PPP1R13L: variants seen among roughly 807,000 people sequenced by gnomAD.
PPP1R13L encodes the protein relA-associated inhibitor.
In PPP1R13L, 50 loss-of-function variants were observed where a neutral mutation model predicts 80.9. The observed-to-expected ratio is 0.62, with a 90% CI of 0.49 to 0.78. PPP1R13L has a LOEUF of 0.78. PPP1R13L is among the 30% of genes least tolerant of loss of function. The probability of loss-of-function intolerance (pLI) is 0.00; values close to 1 mark genes in which losing one functional copy is unlikely to be tolerated. For synonymous variants in PPP1R13L, 602 were observed against 534.3 expected (o/e 1.13, Z -1.75); for missense variants, 1,200 against 1,205.9 (o/e 1.00, Z 0.07).
intron 8 of PPP1R13L, among the ~76,000 whole-genome samples, chr19:45,388,927 G>C (rs1327979441): frequency 6.6e-6 from 1 of 151,740 alleles, no homozygotes; most frequent in Non-Finnish European, 1.5e-5. Flanking sequence ...TAGCAGAGAC[G>C]GGGTTTCACC....
At chr19:45,384,366 C>CAAAAAAAAAA (rs770216477) in intron 11 of PPP1R13L, among the ~76,000 whole-genome samples, 5 of 91,300 alleles carry the variant, frequency 5.5e-5, no homozygotes, top group Admixed American at 1.3e-4. Flanking sequence ...ACTAAAAATA[C>CAAAAAAAAAA]AAAAAAAAAA....
chr19:45,380,449 C>A (rs529152553), intron 12 of PPP1R13L, among the ~76,000 whole-genome samples: 2 of 152,148 alleles, frequency 1.3e-5, no homozygotes, highest in Admixed American at 6.6e-5. Flanking sequence ...TGTCTCCTAA[C>A]TGCCATAAGG....
Position 45,392,103 on chromosome 19 carries a change from G to A in PPP1R13L, c.1592C>T (p.Pro531Leu), listed in dbSNP as rs925517547. The A allele has an allele frequency of 2.6e-6, 4 of 1,548,526 alleles. No individual in the cohort carries two copies. In the African/African-American group the frequency reaches 4.1e-5, roughly 16 times the overall value. Residue 531 changes from proline (P) to leucine (L), a missense_variant, in exon 8 of 13, where the codon CCT (proline) becomes CTT (leucine). This residue lies in a region of PPP1R13L where 53 missense variants were observed against 96.5 expected (regional missense o/e 0.55). Coordinates refer to ENST00000360957, the MANE Select transcript of PPP1R13L (RefSeq NM_006663.4). ...LKRRGSMEQA[P>L]AVALPPTHKK... ...GTGGGTAGGGGGCAGGGCCACAGCA[G>A]GGGCCTGCTCCATGGAGCCCCTGCG...
chr19:45,390,224 G>A (rs1972944541), intron 8 of PPP1R13L, among the ~76,000 whole-genome samples: 1 of 152,066 alleles, frequency 6.6e-6, no homozygotes, highest in African/African-American at 2.4e-5. Context: ...CTGAGTAGCT[G>A]GGATTGGAAT....
intron 7 of PPP1R13L, chr19:45,393,024 A>AG (rs1229620451): frequency 6.7e-6 from 1 of 149,322 alleles, no homozygotes; most frequent in Admixed American, 6.7e-5. Context: ...AAAAAAAAAA[A>AG]AAAAAAAAAA....
At chr19:45,397,133 G>T in intron 3 of PPP1R13L, 75 bp from the exon 4 acceptor site, 1 of 1,160,636 alleles carries the variant, frequency 8.6e-7, no homozygotes. Flanking sequence ...GGGCGGGGGT[G>T]TCAAGAGAGA....
chr19:45,380,638 C>T (rs1399914550), intron 12 of PPP1R13L, among the ~76,000 whole-genome samples: 8 of 152,022 alleles, frequency 5.3e-5, no homozygotes, highest in African/African-American at 1.2e-4. Flanking sequence ...GTCAACATGA[C>T]GAGACCCTGT....
rs1381707089 is a variant in PPP1R13L at position 45,392,032 on chromosome 19, C to A, written c.1663G>T (p.Gly555Trp). 3 of 1,543,732 alleles carry A rather than the reference C, an allele frequency of 1.9e-6. No homozygotes were observed. The highest frequency in any genetic ancestry group is 2.6e-6 in the Non-Finnish European group (3 of 1,148,184). ...QIISRLFHRH[G>W]GPGPGGPEPE... ...TCCGGCCCCCCGGGCCCTGGCCCCCCATGACGATGGAAGAGGCGGCTGATG... is the reference window on the plus strand; with the variant it reads ...TCCGGCCCCCCGGGCCCTGGCCCCCAATGACGATGGAAGAGGCGGCTGATG... Residue 555 changes from glycine (G) to tryptophan (W), a missense_variant, in exon 8 of 13, where the codon GGG becomes TGG. Transcript: ENST00000360957.
At position 45,392,012 on chromosome 19, in the gene PPP1R13L, C is replaced by A. The variant is rs1191819072; in HGVS notation, c.1683G>T (p.Gly561=). The stretch of plus-strand genomic sequence containing the variant: ...TGATGGGGGACAGCTCTGGCTCCGG[C>A]CCCCCGGGCCCTGGCCCCCCATGAC... ...FHRHGGPGPG[G]PEPELSPITE... Residue 561 remains glycine (G), a synonymous_variant, in exon 8 of 13, where the codon GGG becomes GGT. Coordinates refer to ENST00000360957, the MANE Select transcript of PPP1R13L (RefSeq NM_006663.4). The A allele has an allele frequency of 3.9e-6, 6 of 1,536,764 alleles. No homozygotes were observed. Among genetic ancestry groups the A allele is most frequent in the Non-Finnish European group, 5.2e-6 (6 of 1,145,160 alleles).
chr19:45,394,331 T>C (rs1435150740), intron 7 of PPP1R13L, among the ~76,000 whole-genome samples: 1 of 152,070 alleles, frequency 6.6e-6, no homozygotes, highest in African/African-American at 2.4e-5. Flanking sequence ...TAAAGTCTAT[T>C]TTAGTTTCAC....
intron 1 of PPP1R13L, 88 bp from the exon 2 acceptor site, chr19:45,398,427 A>C (rs1278169934): frequency 1.6e-6 from 2 of 1,287,678 alleles, no homozygotes; most frequent in South Asian, 1.3e-5. Flanking sequence ...GGAGCGGGAC[A>C]ACGCCTCAAC....
intron 8 of PPP1R13L, among the ~76,000 whole-genome samples, chr19:45,386,879 A>C (rs1234918945): frequency 6.6e-6 from 1 of 151,210 alleles, no homozygotes; most frequent in African/African-American, 2.4e-5. Flanking sequence ...CAGGTGATCC[A>C]CCCACCTCAG....
intron 9 of PPP1R13L, 35 bp from the exon 10 acceptor site, chr19:45,385,992 C>A: frequency 6.3e-7 from 1 of 1,579,710 alleles, no homozygotes; most frequent in Admixed American, 1.8e-5. Flanking sequence ...GACTCAGTCC[C>A]GCGGCTGGCA....
At position 45,395,678 on chromosome 19, in the gene PPP1R13L, G is replaced by A; in HGVS notation, c.1112C>T (p.Pro371Leu). The change falls in exon 7 of 13, where the codon CCC becomes CTC. Residue 371 changes from proline (P) to leucine (L), a missense_variant. Transcript: ENST00000360957. ...PRGAPRQRPIPLSMIFKLQNA... is the reference protein window; with the variant it reads ...PRGAPRQRPILLSMIFKLQNA... ...CTGCAGCTTGAAGATCATGCTGAGG[G>A]GGATGGGACGCTGGCGCGGGGCCCC... is the stretch of plus-strand genomic sequence containing the variant. 2 of 1,459,262 alleles carry A rather than the reference G, an allele frequency of 1.4e-6. No homozygotes were observed. The highest frequency in any genetic ancestry group is 1.8e-6 in the Non-Finnish European group (2 of 1,115,222). 90.4% of individuals were successfully genotyped at this position (1,459,262 alleles called of 1,614,324 possible). A position where few individuals can be genotyped will look rare whatever the true frequency, so the allele number is the denominator to read the frequency against.
At chr19:45,380,853 A>C (rs1020306446) in intron 12 of PPP1R13L, among the ~76,000 whole-genome samples, 1 of 147,352 alleles carries the variant, frequency 6.8e-6, no homozygotes, top group African/African-American at 2.5e-5. Flanking sequence ...CACACACAGA[A>C]AAAAAAAACC....
chr19:45,391,743 G>A, intron 8 of PPP1R13L, 137 bp downstream of exon 8: 1 of 600,136 alleles, frequency 1.7e-6, no homozygotes, highest in Non-Finnish European at 2.5e-6. Context: ...ACAGTCCTGG[G>A]CTGCAAACTC....
rs763190928 is a variant in PPP1R13L, at chr19:45,385,821, C to T, written c.2081+3G>A. 21 of 1,610,640 alleles carry T rather than the reference C, an allele frequency of 1.3e-5. No individual in the cohort carries two copies. Among genetic ancestry groups the T allele is most frequent in the African/African-American group, 2.7e-5 (2 of 74,880 alleles). Reference sequence around the variant, plus strand: ...CCAGCCCACCGCGCGGGTCGGGGCTCACCAGCCGTGGCTGTCGGGGGAGTT... The same window carrying T: ...CCAGCCCACCGCGCGGGTCGGGGCTTACCAGCCGTGGCTGTCGGGGGAGTT... On this transcript the variant is annotated splice_donor_region_variant and intron_variant, in intron 10 of 12. Coordinates refer to ENST00000360957, the MANE Select transcript of PPP1R13L (RefSeq NM_006663.4).
intron 8 of PPP1R13L, among the ~76,000 whole-genome samples, chr19:45,386,689 G>A (rs537154200): frequency 1.5e-3 from 226 of 145,942 alleles, no homozygotes; most frequent in Non-Finnish European, 2.5e-3. Flanking sequence ...GGAGTGCAGT[G>A]CAGTGGTGTG....
intron 1 of PPP1R13L, among the ~76,000 whole-genome samples, chr19:45,404,129 C>T (rs1040030332): frequency 1.3e-5 from 2 of 152,200 alleles, no homozygotes; most frequent in African/African-American, 4.8e-5. Context: ...ACCCTACAAA[C>T]TCTACTGCCT....
Sources: gnomAD v4.1 joint callset for allele counts (sites outside exome capture counted in the v4.1 genomes callset) on GRCh38, gnomAD v4.1.1 for gene constraint, gnomAD v4.1.1 regional missense constraint, MANE v1.5 for transcripts, NCBI Gene and HGNC (gene_info 2026-07-23, HGNC 2026-07-21) for gene names.